Variants in ATAD3C observed in about 807,000 individuals in gnomAD.
ATAD3C encodes ATPase family AAA domain containing 3C.
ATAD3C carries 38 observed loss-of-function variants against 46.3 expected under a neutral mutation model. The ratio of observed to expected loss-of-function variants is 0.82; its 90% CI spans 0.63 to 1.08. The LOEUF (loss-of-function observed/expected upper bound fraction) is 1.08, where lower values mean the gene tolerates loss of function less well. Among genes scored for constraint, ATAD3C ranks in the 50% least tolerant of loss-of-function variants. ATAD3C has a pLI of 0.00. For missense variants in ATAD3C, 563 were observed against 572.7 expected (o/e 0.98, Z 0.17); for synonymous variants, 220 against 236.4 (o/e 0.93, Z 0.63).
At chr1:1,456,617 G>T (rs1638964422) in intron 7 of ATAD3C, among the ~76,000 whole-genome samples, 5 of 151,836 alleles carry the variant, frequency 3.3e-5, no homozygotes, top group African/African-American at 1.2e-4. Context: ...GGGGAGAGGG[G>T]TCTTCACAGC....
chr1:1,457,085 C>T (rs1457059481), intron 7 of ATAD3C, 44 bp from the exon 8 acceptor site: 10 of 1,611,684 alleles, frequency 6.2e-6, no homozygotes, highest in Non-Finnish European at 8.5e-6. Context: ...GTGGGCTGCT[C>T]CTGGCATCAC....
At chr1:1,451,886 G>A (rs539395811) in intron 1 of ATAD3C, among the ~76,000 whole-genome samples, 160 bp from the exon 2 acceptor site, 66 of 152,188 alleles carry the variant, frequency 4.3e-4, no homozygotes, top group African/African-American at 1.4e-3. Context: ...CGTCCCGGCC[G>A]ATGTCACCCG....
rs963994091 is a variant in ATAD3C at position 1,459,657 on chromosome 1, C to T, written c.812+426C>T. Among the ~76,000 whole-genome samples the T allele has an allele frequency of 6.6e-5, 10 of 151,666 alleles. No homozygotes were observed. Among genetic ancestry groups the T allele is most frequent in the South Asian group, 2.1e-4 (1 of 4,786 alleles). On this transcript the variant is annotated intron_variant, in intron 9 of 11. Transcript: ENST00000378785. This position sits in a 1 kb window ranked among gnomAD's most constrained non-coding sequence, Gnocchi z 4.9. Reference sequence around the variant, plus strand: ...TTGGACACCAGCAGGTCCTGTGTGTCGGGGCGGAACCTGGGACCTTGGTCC... The same window carrying T: ...TTGGACACCAGCAGGTCCTGTGTGTTGGGGCGGAACCTGGGACCTTGGTCC...
At position 1,456,010 on chromosome 1, in the gene ATAD3C, C is replaced by G. The variant is rs1638955386; in HGVS notation, c.564+94C>G. On this transcript the variant is annotated intron_variant, in intron 6 of 11. Transcript: ENST00000378785. Reference sequence around the variant, plus strand: ...GGGCTCAGCTGCCTGGGGAATGGACCCCCCTTAGGCCTTTGCCCACCCTCG... The same window carrying G: ...GGGCTCAGCTGCCTGGGGAATGGACGCCCCTTAGGCCTTTGCCCACCCTCG... The G allele has an allele frequency of 5.1e-6, 8 of 1,569,736 alleles. No individual in the cohort carries two copies. The Admixed American group carries it at 1.4e-4, about 28-fold the overall frequency.
intron 11 of ATAD3C, among the ~76,000 whole-genome samples, chr1:1,466,535 CA>C (rs35433084): frequency 0.18 from 12,889 of 70,252 alleles, 480 homozygotes; most frequent in East Asian, 0.31. Context: ...GATGTCATCT[CA>C]AAAAAAAAAA....
rs546793306 is a variant in ATAD3C at position 1,450,603 on chromosome 1, C to T, written c.-81C>T. 75 of 1,526,322 alleles carry T rather than the reference C, an allele frequency of 4.9e-5. No homozygotes were observed. The Admixed American group carries it at 5.7e-4, about 12-fold the overall frequency. The allele number at this position is 1,526,322 out of a possible 1,614,324, so 94.5% of individuals were successfully genotyped here. The stretch of plus-strand genomic sequence containing the variant: ...AGGCGTGGCCGTGGATTCCAGAAAG[C>T]CCCTTGGCTGGTGTGCGTGCCTGCC... On this transcript the variant is annotated 5_prime_UTR_variant, in exon 1 of 12. Transcript: ENST00000378785.
At chr1:1,466,438 A>C (rs1207884974) in intron 11 of ATAD3C, among the ~76,000 whole-genome samples, 2 of 148,892 alleles carry the variant, frequency 1.3e-5, no homozygotes, top group African/African-American at 5.0e-5. Context: ...CTGTAGTCCC[A>C]GCTACTCAGG....
intron 11 of ATAD3C, among the ~76,000 whole-genome samples, chr1:1,463,263 G>A (rs1400550274): frequency 6.6e-6 from 1 of 152,052 alleles, no homozygotes. Flanking sequence ...TGTGGGCACG[G>A]CCATCCAGAA....
At chr1:1,450,947 C>T (rs569017096) in intron 1 of ATAD3C, among the ~76,000 whole-genome samples, 189 bp downstream of exon 1, 103 of 151,812 alleles carry the variant, frequency 6.8e-4, no homozygotes, top group Non-Finnish European at 1.2e-3. Flanking sequence ...GCCGCAGAGC[C>T]GCCCGAGAGG....
rs576060789 is a variant in ATAD3C, at chr1:1,465,292, T to TA, written c.1089+2584_1089+2585insA. ...ATGGAAATGGTTTCATAATTTCCCT[T>TA]TCAGATTATTCATTGTGGGCCAGGC... On this transcript the variant is annotated intron_variant, in intron 11 of 11. Transcript: ENST00000378785. Among the ~76,000 whole-genome samples the TA allele has an allele frequency of 1.0e-3, 155 of 151,954 alleles. 2 individuals carry two copies. The Middle Eastern group carries it at 0.01, about 10-fold the overall frequency.
Position 1,462,503 on chromosome 1 carries a change from T to A in ATAD3C, c.981-97T>A. 7.9e-7 allele frequency: 1 copy of A among 1,264,888 alleles called. No individual in the cohort carries two copies. Among genetic ancestry groups the A allele is most frequent in the Admixed American group, 2.0e-5 (1 of 49,854 alleles). 78.4% of individuals were successfully genotyped at this position (1,264,888 alleles called of 1,614,324 possible). A position where few individuals can be genotyped will look rare whatever the true frequency, so the allele number is the denominator to read the frequency against. On this transcript the variant is annotated intron_variant, in intron 10 of 11. Transcript: ENST00000378785. This position sits in a 1 kb window ranked among gnomAD's most constrained non-coding sequence, Gnocchi z 4.5. ...AGAGAGTCCCTCTCAAGGGGGCATC[T>A]GGCATGGGTGTCCGCCTGGCTGCCT...
rs1000156470 is a variant in ATAD3C at position 1,452,581 on chromosome 1, G to A, written c.222+147G>A. 8 of 1,341,614 alleles carry A rather than the reference G, an allele frequency of 6.0e-6. No homozygotes were observed. The African/African-American group carries it at 1.2e-4, about 19-fold the overall frequency. 83.1% of individuals were successfully genotyped at this position (1,341,614 alleles called of 1,614,324 possible). A position where few individuals can be genotyped will look rare whatever the true frequency, so the allele number is the denominator to read the frequency against. On this transcript the variant is annotated intron_variant, in intron 3 of 11. Coordinates refer to ENST00000378785, the MANE Select transcript of ATAD3C (RefSeq NM_001039211.3). ...ACAAGCCCAAACTGGACCTGCTGGTGGGAGCCGCTCCTCCCTCCTTGAGCT... is the reference window on the plus strand; with the variant it reads ...ACAAGCCCAAACTGGACCTGCTGGTAGGAGCCGCTCCTCCCTCCTTGAGCT...
intron 4 of ATAD3C, 138 bp downstream of exon 4, chr1:1,454,638 G>A: frequency 1.4e-6 from 2 of 1,397,170 alleles, no homozygotes; most frequent in South Asian, 1.5e-5. Flanking sequence ...CTTCACGGGT[G>A]GGTTTTCCTG....
chr1:1,465,034 C>T (rs1300857874), intron 11 of ATAD3C, among the ~76,000 whole-genome samples: 2 of 151,340 alleles, frequency 1.3e-5, no homozygotes, highest in East Asian at 2.0e-4. Flanking sequence ...TACAGGCACG[C>T]GCCAACATGC....
At chr1:1,467,625 A>G (rs577828021) in intron 11 of ATAD3C, among the ~76,000 whole-genome samples, 3 of 152,158 alleles carry the variant, frequency 2.0e-5, no homozygotes, top group African/African-American at 4.8e-5. Context: ...GGATGGGGCT[A>G]GGGACCCGCT....
At chr1:1,460,954 C>A in intron 10 of ATAD3C, 37 bp downstream of exon 10, 1 of 1,572,644 alleles carries the variant, frequency 6.4e-7, no homozygotes, top group Non-Finnish European at 8.6e-7. Context: ...GTCCAGGGGC[C>A]CTCGCTCAGG....
chr1:1,466,838 G>A (rs113653667), intron 11 of ATAD3C, among the ~76,000 whole-genome samples: 4,194 of 151,334 alleles, frequency 0.028, 225 homozygotes, highest in African/African-American at 0.096. Context: ...TTTTTCTTGT[G>A]GTGTCTTTGG....
At position 1,450,099 on chromosome 1, in the gene ATAD3C, T is replaced by A. The variant is rs536736820; in HGVS notation, c.-585T>A. ...ATCCCAGCACTTTGGGAGGCTGAGG[T>A]GGGCGGATCACGAGGTCAGGAGATC... On this transcript the variant is annotated 5_prime_UTR_variant, in exon 1 of 12. Coordinates refer to ENST00000378785, the MANE Select transcript of ATAD3C (RefSeq NM_001039211.3). 1 of 152,084 alleles carries A rather than the reference T, an allele frequency of 6.6e-6. No homozygotes were observed. The highest frequency in any genetic ancestry group is 6.6e-5 in the Admixed American group (1 of 15,214). The allele number at this position is 152,084 out of a possible 1,614,324, so 9.4% of individuals were successfully genotyped here. A position where few individuals can be genotyped will look rare whatever the true frequency, so the allele number is the denominator to read the frequency against.
chr1:1,466,734 G>T (rs189956263), intron 11 of ATAD3C, among the ~76,000 whole-genome samples: 2 of 151,930 alleles, frequency 1.3e-5, no homozygotes, highest in East Asian at 3.9e-4. Flanking sequence ...CTTGGTCAGG[G>T]TGTGGAATCC....
Sources: allele counts gnomAD v4.1 joint callset (sites outside exome capture counted in the v4.1 genomes callset), GRCh38; gene constraint gnomAD v4.1.1; non-coding constraint Gnocchi (gnomAD v3.1); transcripts MANE v1.5; gene names NCBI Gene and HGNC (gene_info 2026-07-23, HGNC 2026-07-21).